CLUL1: variants seen among roughly 807,000 people sequenced by gnomAD.
CLUL1 encodes clusterin like 1.
Under a neutral mutation model 49.4 loss-of-function variants are expected in CLUL1, and 43 were observed. The ratio of observed to expected loss-of-function variants is 0.87; its 90% confidence interval spans 0.68 to 1.12. The LOEUF (loss-of-function observed/expected upper bound fraction) is 1.12. Ranked by LOEUF, CLUL1 falls within the 50% of genes most tolerant of loss-of-function variation. The pLI is 0.00. For missense variants in CLUL1, 486 were observed against 544.4 expected (o/e 0.89, Z 1.07); for synonymous variants, 192 against 184.9 (o/e 1.04, Z -0.31).
Position 606,082 on chromosome 18 carries a change from T to C in CLUL1, c.-135-896T>C, listed in dbSNP as rs2072965906. 1.3e-5 allele frequency among the ~76,000 whole-genome samples: 2 copies of C among 152,176 alleles called. No homozygotes were observed. Among genetic ancestry groups the C allele is most frequent in the African/African-American group, 2.4e-5 (1 of 41,450 alleles). Reference sequence around the variant, plus strand: ...ATCACTCTGGAAGAATATTTAAGAATATACCAAATAAGAATATGCAAGTCC... The same window carrying C: ...ATCACTCTGGAAGAATATTTAAGAACATACCAAATAAGAATATGCAAGTCC... On this transcript the variant is annotated intron_variant, in intron 1 of 9. Coordinates refer to ENST00000692774, the MANE Select transcript of CLUL1 (RefSeq NM_001393344.1). The surrounding 1 kb of genome is among the most constrained non-coding windows in gnomAD (Gnocchi z 4.1).
intron 7 of CLUL1, among the ~76,000 whole-genome samples, chr18:635,822 T>C (rs113866029): frequency 0.11 from 16,912 of 152,128 alleles, 1,193 homozygotes; most frequent in African/African-American, 0.19. Flanking sequence ...CTGAAACCTC[T>C]ACCTCCTGAG....
At chr18:623,426 C>CT (rs2073567619) in intron 4 of CLUL1, among the ~76,000 whole-genome samples, 1 of 152,088 alleles carries the variant, frequency 6.6e-6, no homozygotes, top group East Asian at 1.9e-4. Context: ...GGGCAGATCA[C>CT]TTGAGGCCAG....
intron 1 of CLUL1, chr18:598,316 G>C (rs1267092903): frequency 2.6e-6 from 1 of 379,486 alleles, no homozygotes; most frequent in Non-Finnish European, 4.7e-6. Flanking sequence ...GCGTGACCTT[G>C]AAGAAAGTCA....
At chr18:605,725 G>A (rs1005177393) in intron 1 of CLUL1, among the ~76,000 whole-genome samples, 23 of 152,288 alleles carry the variant, frequency 1.5e-4, no homozygotes, top group African/African-American at 4.3e-4. Flanking sequence ...CACCCAGGCT[G>A]GAGTGCAGTG....
rs571913621 is a variant in CLUL1, at chr18:641,084, A to T, written c.995-243A>T. On this transcript the variant is annotated intron_variant, in intron 7 of 9. Transcript: ENST00000692774. ...GTGGTAGGCATGTGGAATTTATAAC[A>T]AAAGTTCTGTCTCCAGCCCAGTTTC... 3.9e-5 allele frequency among the ~76,000 whole-genome samples: 6 copies of T among 152,362 alleles called. No individual in the cohort carries two copies. The East Asian group carries it at 9.6e-4, about 24-fold the overall frequency.
At chr18:631,413 G>A (rs1165573693) in intron 6 of CLUL1, among the ~76,000 whole-genome samples, 2 of 152,144 alleles carry the variant, frequency 1.3e-5, no homozygotes, top group African/African-American at 4.8e-5. Flanking sequence ...CTTAGAGAGT[G>A]TTAGTTAACA....
rs778868237 is a variant in CLUL1 at position 627,107 on chromosome 18, T to G, written c.434T>G (p.Phe145Cys). Reference sequence around the variant, plus strand: ...TACTCTACTCCACAGATTGAACGGTTTTTCAGGAAGATATATCAATTTCTA... The same window carrying G: ...TACTCTACTCCACAGATTGAACGGTGTTTCAGGAAGATATATCAATTTCTA... ...WSSVKNKIER[F>C]FRKIYQFLFP... The change falls in exon 6 of 10, where the codon TTT becomes TGT. Residue 145 changes from phenylalanine (F) to cysteine (C), a missense_variant. Phe to Cys is a radical substitution (Grantham distance 205). Coordinates refer to ENST00000692774, the MANE Select transcript of CLUL1 (RefSeq NM_001393344.1). 1 of 1,609,694 alleles carries G rather than the reference T, an allele frequency of 6.2e-7. No individual in the cohort carries two copies. Among genetic ancestry groups the G allele is most frequent in the South Asian group, 1.1e-5 (1 of 90,792 alleles).
At chr18:644,366 C>A (rs1946011829) in intron 8 of CLUL1, among the ~76,000 whole-genome samples, 1 of 152,166 alleles carries the variant, frequency 6.6e-6, no homozygotes. Context: ...TGCATTGATT[C>A]TTGCCAAAAT....
intron 2 of CLUL1, among the ~76,000 whole-genome samples, chr18:611,210 C>G (rs1402951905): frequency 6.7e-6 from 1 of 148,548 alleles, no homozygotes; most frequent in Non-Finnish European, 1.5e-5. Flanking sequence ...GAAAGGAGCA[C>G]CTACAAGATA....
In CLUL1 at chr18:599,809, G is replaced by GTAGTCCCAGCTACTCA. The variant is rs968985257; in HGVS notation, c.-136+2697_-136+2712dup. Among the ~76,000 whole-genome samples the GTAGTCCCAGCTACTCA allele has an allele frequency of 9.9e-5, 15 of 152,130 alleles. No homozygotes were observed. The East Asian group carries it at 1.7e-3, about 18-fold the overall frequency. The stretch of plus-strand genomic sequence containing the variant: ...TAGCTGGGTGTGTTGGCGGGCGCCT[G>GTAGTCCCAGCTACTCA]TAGTCCCAGCTACTCATAGTCCCAG... On this transcript the variant is annotated intron_variant, in intron 1 of 9. Coordinates refer to ENST00000692774, the MANE Select transcript of CLUL1 (RefSeq NM_001393344.1).
In CLUL1 at chr18:627,334, A is replaced by G. The variant is rs1310534933; in HGVS notation, c.661A>G (p.Thr221Ala). Reference protein sequence around the residue: ...QTFQSHFISDTDLTEPYFFPA... With the variant: ...QTFQSHFISDADLTEPYFFPA... ...TTTTCAATCACATTTCATATCAGAT[A>G]CAGACCTAACTGAGCCTTACTTTTT... is the stretch of plus-strand genomic sequence containing the variant. The change falls in exon 6 of 10, where the codon ACA becomes GCA. Residue 221 changes from threonine (T) to alanine (A), a missense_variant. Coordinates refer to ENST00000692774, the MANE Select transcript of CLUL1 (RefSeq NM_001393344.1). 6.2e-7 allele frequency: 1 copy of G among 1,614,006 alleles called. No homozygotes were observed. Among genetic ancestry groups the G allele is most frequent in the Non-Finnish European group, 8.5e-7 (1 of 1,180,012 alleles).
intron 9 of CLUL1, among the ~76,000 whole-genome samples, chr18:645,529 C>T (rs1169613568): frequency 6.6e-6 from 1 of 151,926 alleles, no homozygotes; most frequent in Non-Finnish European, 1.5e-5. Context: ...GGCGCAGTGG[C>T]TCATGCCTGT....
intron 5 of CLUL1, 64 bp downstream of exon 5, chr18:625,096 T>A (rs924927356): frequency 2.3e-4 from 348 of 1,505,018 alleles, no homozygotes; most frequent in Non-Finnish European, 2.8e-4. Context: ...CTTACTTTTT[T>A]ATTAATTTAT....
chr18:600,629 G>A (rs1236337608), intron 1 of CLUL1, among the ~76,000 whole-genome samples: 1 of 152,172 alleles, frequency 6.6e-6, no homozygotes, highest in African/African-American at 2.4e-5. Context: ...GCTAGAGTAC[G>A]TTTTGATTGT....
At chr18:599,872 C>T (rs546106468) in intron 1 of CLUL1, among the ~76,000 whole-genome samples, 6 of 150,940 alleles carry the variant, frequency 4.0e-5, no homozygotes, top group Non-Finnish European at 7.4e-5. Context: ...GGTGTGAACC[C>T]GGGAGGCGGA....
chr18:619,576 G>A (rs1312145037), intron 4 of CLUL1, among the ~76,000 whole-genome samples: 1 of 152,090 alleles, frequency 6.6e-6, no homozygotes, highest in East Asian at 1.9e-4. Context: ...CCGGAATCTG[G>A]GGGATTCATC....
Position 601,395 on chromosome 18 carries a change from T to C in CLUL1, c.-136+4266T>C, listed in dbSNP as rs537357973. Among the ~76,000 whole-genome samples the C allele has an allele frequency of 1.4e-4, 22 of 152,148 alleles. No homozygotes were observed. The South Asian group carries it at 4.4e-3, about 30-fold the overall frequency. On this transcript the variant is annotated intron_variant, in intron 1 of 9. Coordinates refer to ENST00000692774, the MANE Select transcript of CLUL1 (RefSeq NM_001393344.1). ...CGGTGGCTCACACCTGTAATCCCAG[T>C]ACTTTGGGAGGCTGAGGTGGTTGGA...
In CLUL1 at chr18:627,334, A is replaced by T; in HGVS notation, c.661A>T (p.Thr221Ser). 1 of 1,614,124 alleles carries T rather than the reference A, an allele frequency of 6.2e-7. No individual in the cohort carries two copies. The change falls in exon 6 of 10, where the codon ACA (threonine) becomes TCA (serine). Residue 221 changes from threonine (T) to serine (S), a missense_variant. By Grantham distance (58) the Thr-to-Ser change is moderately conservative. Coordinates refer to ENST00000692774, the MANE Select transcript of CLUL1 (RefSeq NM_001393344.1). ...QTFQSHFISD[T>S]DLTEPYFFPA... is the part of the protein sequence containing the mutation. Reference sequence around the variant, plus strand: ...TTTTCAATCACATTTCATATCAGATACAGACCTAACTGAGCCTTACTTTTT... The same window carrying T: ...TTTTCAATCACATTTCATATCAGATTCAGACCTAACTGAGCCTTACTTTTT...
intron 6 of CLUL1, among the ~76,000 whole-genome samples, chr18:633,019 T>G (rs2074032403): frequency 6.6e-6 from 1 of 152,096 alleles, no homozygotes; most frequent in African/African-American, 2.4e-5. Context: ...TAGCTGGGCT[T>G]GGTGGCTCTC....
Sources: gnomAD v4.1 joint callset for allele counts (sites outside exome capture counted in the v4.1 genomes callset) on GRCh38, gnomAD v4.1.1 for gene constraint, Gnocchi (gnomAD v3.1) non-coding constraint, MANE v1.5 for transcripts, NCBI Gene and HGNC (gene_info 2026-07-23, HGNC 2026-07-21) for gene names.